CA10: variants seen among roughly 807,000 people sequenced by gnomAD.
CA10 encodes the protein carbonic anhydrase-related protein 10.
Under a neutral mutation model 44.2 loss-of-function variants are expected in CA10, and 14 were observed. The ratio of observed to expected loss-of-function variants is 0.32; its 90% CI spans 0.21 to 0.50. The LOEUF (loss-of-function observed/expected upper bound fraction) is 0.50. Ranked by LOEUF, CA10 falls within the 20% of genes least tolerant of loss-of-function variation. The pLI is 0.99. For synonymous variants in CA10, 159 were observed against 141.6 expected, an observed-to-expected ratio of 1.12 and a Z score of -0.87; for missense variants, 350 against 409.7, an observed-to-expected ratio of 0.85 and a Z score of 1.26.
At chr17:51,719,000 A>G (rs978599295) in intron 4 of CA10, among the ~76,000 whole-genome samples, 2 of 152,146 alleles carry the variant, frequency 1.3e-5, no homozygotes, top group Admixed American at 6.5e-5. Flanking sequence ...GCCAGGTCCA[A>G]AATTGGTCAC....
chr17:51,771,782 G>T (rs560546065), intron 3 of CA10, among the ~76,000 whole-genome samples: 1 of 152,284 alleles, frequency 6.6e-6, no homozygotes, highest in South Asian at 2.1e-4. Context: ...GGGCAGGAGG[G>T]GAGGAGACCA....
intron 3 of CA10, among the ~76,000 whole-genome samples, chr17:51,913,142 G>A (rs1243539457): frequency 2.6e-5 from 4 of 152,148 alleles, no homozygotes; most frequent in African/African-American, 7.2e-5. Context: ...GAGTTAAGTC[G>A]GAGCTGAATT....
At chr17:52,084,357 T>G (rs1363640180) in intron 1 of CA10, among the ~76,000 whole-genome samples, 1 of 152,182 alleles carries the variant, frequency 6.6e-6, no homozygotes, top group Non-Finnish European at 1.5e-5. Flanking sequence ...ATTCTGATTC[T>G]GATCCACACA....
At chr17:51,916,665 C>G (rs986924153) in intron 3 of CA10, among the ~76,000 whole-genome samples, 2 of 152,132 alleles carry the variant, frequency 1.3e-5, no homozygotes, top group African/African-American at 4.8e-5. Context: ...ATAAATTACC[C>G]AGCCTTGGGT....
At chr17:51,696,172 C>A (rs1329667977) in intron 4 of CA10, among the ~76,000 whole-genome samples, 2 of 152,064 alleles carry the variant, frequency 1.3e-5, no homozygotes, top group Non-Finnish European at 2.9e-5. Context: ...CAGGGTGATG[C>A]TGGCTTTGTA....
At chr17:51,775,240 T>C (rs1905775269) in intron 3 of CA10, among the ~76,000 whole-genome samples, 1 of 152,232 alleles carries the variant, frequency 6.6e-6, no homozygotes, top group Admixed American at 6.5e-5. Flanking sequence ...TTGGCTGTGC[T>C]GGGACTTCAG....
intron 1 of CA10, among the ~76,000 whole-genome samples, chr17:52,081,615 A>G (rs1987980329): frequency 6.6e-6 from 1 of 151,920 alleles, no homozygotes; most frequent in African/African-American, 2.4e-5. Context: ...CCCGGCTAAA[A>G]CGGTGAAACC....
At chr17:52,120,541 G>A (rs1435606942) in intron 1 of CA10, among the ~76,000 whole-genome samples, 2 of 152,160 alleles carry the variant, frequency 1.3e-5, no homozygotes, top group Non-Finnish European at 2.9e-5. Flanking sequence ...TACTTCTTTA[G>A]TAGGGGGAAT....
At chr17:52,018,247 A>G (rs1986030299) in intron 2 of CA10, among the ~76,000 whole-genome samples, 2 of 152,140 alleles carry the variant, frequency 1.3e-5, no homozygotes, top group Non-Finnish European at 2.9e-5. Flanking sequence ...AGGAAGGGTC[A>G]TGCTGCCCTT....
At chr17:51,796,578 G>A (rs1212723338) in intron 3 of CA10, among the ~76,000 whole-genome samples, 1 of 152,206 alleles carries the variant, frequency 6.6e-6, no homozygotes, top group African/African-American at 2.4e-5. Flanking sequence ...TAAAACTCAT[G>A]AATCCTAGAG....
At chr17:52,007,111 T>C (rs1372967052) in intron 2 of CA10, among the ~76,000 whole-genome samples, 1 of 151,740 alleles carries the variant, frequency 6.6e-6, no homozygotes, top group East Asian at 1.9e-4. Context: ...ATTGATCTGA[T>C]GTGCAATAAA....
intron 3 of CA10, among the ~76,000 whole-genome samples, chr17:51,779,672 G>A (rs981400233): frequency 5.3e-5 from 8 of 152,168 alleles, no homozygotes; most frequent in African/African-American, 1.9e-4. Context: ...CTTCTATGTC[G>A]GGATTCCCAA....
intron 1 of CA10, among the ~76,000 whole-genome samples, chr17:52,099,074 C>T (rs1007360443): frequency 2.4e-4 from 36 of 152,160 alleles, no homozygotes; most frequent in African/African-American, 8.7e-4. Context: ...GGCAGGGTGG[C>T]TCCTATGGAC....
intron 3 of CA10, among the ~76,000 whole-genome samples, chr17:51,804,348 C>T (rs953735385): frequency 2.0e-5 from 3 of 152,190 alleles, no homozygotes; most frequent in African/African-American, 7.2e-5. Context: ...CAATGCTTCT[C>T]TTTCATCCTC....
intron 3 of CA10, among the ~76,000 whole-genome samples, chr17:51,835,300 T>C (rs1472065474): frequency 1.3e-5 from 2 of 152,072 alleles, no homozygotes; most frequent in African/African-American, 4.8e-5. Context: ...AAGGTTGGCA[T>C]TTTAGTAGAG....
chr17:51,788,377 C>T (rs976768468), intron 3 of CA10, among the ~76,000 whole-genome samples: 6 of 152,184 alleles, frequency 3.9e-5, no homozygotes, highest in African/African-American at 1.4e-4. Context: ...ATATGGTCTA[C>T]CATTGACAAT....
intron 1 of CA10, among the ~76,000 whole-genome samples, chr17:52,149,197 G>A (rs1475665012): frequency 6.6e-6 from 1 of 152,230 alleles, no homozygotes; most frequent in African/African-American, 2.4e-5. Context: ...GCAAGACTTG[G>A]CTCTGGAAAA....
At chr17:51,775,932 A>T (rs1262278357) in intron 3 of CA10, among the ~76,000 whole-genome samples, 2 of 152,166 alleles carry the variant, frequency 1.3e-5, no homozygotes, top group Non-Finnish European at 2.9e-5. Flanking sequence ...ATATGGCAAG[A>T]TGCAGCTGGT....
intron 4 of CA10, among the ~76,000 whole-genome samples, chr17:51,663,128 G>A (rs1198981089): frequency 6.6e-6 from 1 of 152,088 alleles, no homozygotes; most frequent in Admixed American, 6.5e-5. Context: ...CAGGAACTTG[G>A]CAGGGTATAA....
Sources: allele counts gnomAD v4.1 joint callset (sites outside exome capture counted in the v4.1 genomes callset), GRCh38; gene constraint gnomAD v4.1.1; transcripts MANE v1.5; gene names NCBI Gene and HGNC (gene_info 2026-07-23, HGNC 2026-07-21).